DNAH14: variants seen among roughly 807,000 people sequenced by gnomAD.
DNAH14 encodes axonemal beta dynein heavy chain 14.
In DNAH14, 478 loss-of-function variants were observed where a neutral mutation model predicts 520.9. That is an observed-to-expected ratio of 0.92 (90% CI 0.85 to 0.99). The LOEUF (loss-of-function observed/expected upper bound fraction) is 0.99, where lower values mean the gene tolerates loss of function less well. Ranked by LOEUF, DNAH14 falls within the 50% of genes least tolerant of loss-of-function variation. The pLI is 0.00. For synonymous variants in DNAH14, 1,581 were observed against 1,757.2 expected, an observed-to-expected ratio of 0.90 and a Z score of 2.51; for missense variants, 4,831 against 5,234.5, an observed-to-expected ratio of 0.92 and a Z score of 2.38.
intron 28 of DNAH14, among the ~76,000 whole-genome samples, chr1:225,141,361 GC>G (rs1157406912): frequency 6.6e-6 from 1 of 151,402 alleles, no homozygotes; most frequent in Admixed American, 6.6e-5. Flanking sequence ...CTCTTAATGT[GC>G]CTCATTTATA....
chr1:224,973,648 TATATA>T (rs1332650966), intron 7 of DNAH14, among the ~76,000 whole-genome samples: 2 of 152,208 alleles, frequency 1.3e-5, no homozygotes, highest in African/African-American at 4.8e-5. Context: ...ACATAAGTAT[TATATA>T]ATATCAAAAT....
Position 225,381,482 on chromosome 1 carries a change from A to C in DNAH14, c.12980A>C (p.Asp4327Ala). The C allele has an allele frequency of 4.5e-6, 7 of 1,549,640 alleles. No homozygotes were observed. Among genetic ancestry groups the C allele is most frequent in the African/African-American group, 1.4e-5 (1 of 73,022 alleles). Residue 4327 changes from aspartate to alanine, a missense_variant, in exon 81 of 86, where the codon GAT becomes GCT. Asp to Ala is a moderately radical substitution (Grantham distance 126, BLOSUM62 -2). Transcript: ENST00000682510. Reference sequence around the variant, plus strand: ...TTTGTCATACATAAATCCTTAAAAGATCTTCAGCTTGCTATAAAAGGAGAG... The same window carrying C: ...TTTGTCATACATAAATCCTTAAAAGCTCTTCAGCTTGCTATAAAAGGAGAG... The part of the protein sequence containing the change: ...LLFVIHKSLK[D>A]LQLAIKGEII...
intron 8 of DNAH14, among the ~76,000 whole-genome samples, chr1:224,990,233 T>C (rs2062943895): frequency 6.6e-6 from 1 of 152,206 alleles, no homozygotes; most frequent in Admixed American, 6.5e-5. Context: ...TACACAATGA[T>C]GTTAAAGTTT....
At chr1:225,056,501 G>A (rs1427204183) in intron 17 of DNAH14, among the ~76,000 whole-genome samples, 1 of 152,108 alleles carries the variant, frequency 6.6e-6, no homozygotes, top group Non-Finnish European at 1.5e-5. Context: ...TCTGATGGTA[G>A]TTTCTTTTGC....
intron 41 of DNAH14, among the ~76,000 whole-genome samples, chr1:225,209,350 A>C (rs1054970905): frequency 1.1e-4 from 17 of 151,964 alleles, no homozygotes; most frequent in Non-Finnish European, 1.6e-4. Context: ...ACAGACTTTA[A>C]ATTTTCCATG....
intron 36 of DNAH14, among the ~76,000 whole-genome samples, chr1:225,174,085 G>A (rs1460368220): frequency 2.6e-5 from 4 of 152,010 alleles, no homozygotes; most frequent in Admixed American, 2.0e-4. Flanking sequence ...CACAGGAAGG[G>A]GAACATCACA....
Position 224,930,229 on chromosome 1 carries a change from C to G in DNAH14, c.-34+394C>G, listed in dbSNP as rs567501308. ...TTATTGTATAATATATACATATACA[C>G]TCTCAACACAAATATATATGGATTA... On this transcript the variant is annotated intron_variant, in intron 1 of 85. Transcript: ENST00000682510. Among the ~76,000 whole-genome samples the G allele has an allele frequency of 2.6e-5, 4 of 152,312 alleles. No individual in the cohort carries two copies. In the East Asian group the frequency reaches 7.7e-4, roughly 29 times the overall value.
chr1:225,189,768 G>A (rs538407858), intron 37 of DNAH14, among the ~76,000 whole-genome samples: 4 of 151,782 alleles, frequency 2.6e-5, no homozygotes, highest in Admixed American at 2.6e-4. Context: ...CTTTTAATTG[G>A]CAAACTTAAT....
At chr1:225,275,444 T>G (rs553566812) in intron 52 of DNAH14, among the ~76,000 whole-genome samples, 1 of 152,282 alleles carries the variant, frequency 6.6e-6, no homozygotes, top group East Asian at 1.9e-4. Flanking sequence ...AGACTTCAAA[T>G]AAGAGGTAGC....
At chr1:225,124,506 A>C (rs757915390) in intron 27 of DNAH14, among the ~76,000 whole-genome samples, 8 of 152,254 alleles carry the variant, frequency 5.3e-5, no homozygotes, top group Non-Finnish European at 1.2e-4. Context: ...ATTCCATCTC[A>C]AGAAACAACT....
chr1:225,195,397 C>T (rs1014097349), intron 38 of DNAH14, among the ~76,000 whole-genome samples: 7 of 151,996 alleles, frequency 4.6e-5, no homozygotes, highest in African/African-American at 1.4e-4. Flanking sequence ...AGCAAACTAA[C>T]TCAGGAACAG....
intron 41 of DNAH14, among the ~76,000 whole-genome samples, chr1:225,208,814 G>T (rs1160886271): frequency 6.6e-6 from 1 of 151,994 alleles, no homozygotes; most frequent in Non-Finnish European, 1.5e-5. Context: ...TTTCTGTTTG[G>T]TTGATTTCTA....
intron 28 of DNAH14, among the ~76,000 whole-genome samples, chr1:225,142,432 G>T (rs1573462499): frequency 6.6e-6 from 1 of 152,212 alleles, no homozygotes; most frequent in South Asian, 2.1e-4. Context: ...AAATAGTTCC[G>T]TTTTAACATC....
At chr1:225,322,072 TTTTTTTTTCTTTC>T (rs1221548506) in intron 61 of DNAH14, among the ~76,000 whole-genome samples, 5 of 140,486 alleles carry the variant, frequency 3.6e-5, no homozygotes, top group African/African-American at 5.4e-5. Context: ...AAGACTTTTC[TTTTTTTTTCTTTC>T]TTTTTTTTTT....
rs1212015055 is a variant in DNAH14, at chr1:225,206,154, T to G, written c.6161T>G (p.Val2054Gly). 1 of 1,551,192 alleles carries G rather than the reference T, an allele frequency of 6.4e-7. No homozygotes were observed. Among genetic ancestry groups the G allele is most frequent in the Non-Finnish European group, 8.7e-7 (1 of 1,146,718 alleles). ...CTCTCTCAGGCCAGTCCTGCTACTG[T>G]CAGCCGATGTGCCATGGTCTATATG... ...DNLSQASPATVSRCAMVYMDP... is the reference protein window; with the variant it reads ...DNLSQASPATGSRCAMVYMDP... The change falls in exon 40 of 86, where the codon GTC (valine) becomes GGC (glycine). Residue 2054 changes from valine to glycine, a missense_variant. Transcript: ENST00000682510.
intron 1 of DNAH14, among the ~76,000 whole-genome samples, chr1:224,947,624 C>T (rs192781652): frequency 1.7e-3 from 251 of 152,120 alleles, no homozygotes; most frequent in Non-Finnish European, 2.8e-3. Context: ...CTTTTTCTAA[C>T]TTCTTAATTT....
chr1:224,991,008 G>GT (rs1319427606), intron 8 of DNAH14, among the ~76,000 whole-genome samples: 1 of 129,360 alleles, frequency 7.7e-6, no homozygotes, highest in Non-Finnish European at 1.7e-5. Flanking sequence ...ATTTCATTGT[G>GT]TTTTTTAATA....
intron 41 of DNAH14, among the ~76,000 whole-genome samples, chr1:225,208,571 C>A (rs1046977627): frequency 6.6e-6 from 1 of 151,904 alleles, no homozygotes; most frequent in African/African-American, 2.4e-5. Context: ...TATAACAGAA[C>A]CTCCAGAAAG....
At chr1:225,073,746 C>T (rs977797637) in intron 17 of DNAH14, among the ~76,000 whole-genome samples, 9 of 149,994 alleles carry the variant, frequency 6.0e-5, no homozygotes, top group African/African-American at 9.8e-5. Context: ...AGTGCAGTGG[C>T]GCAATCTCGG....
Sources: gnomAD v4.1 joint callset for allele counts (sites outside exome capture counted in the v4.1 genomes callset) on GRCh38, gnomAD v4.1.1 for gene constraint, MANE v1.5 for transcripts, NCBI Gene and HGNC (gene_info 2026-07-23, HGNC 2026-07-21) for gene names.